Variants in SLIRP observed in about 807,000 individuals in gnomAD.
SLIRP encodes SRA stem-loop-interacting RNA-binding protein, mitochondrial.
SLIRP carries 12 observed loss-of-function variants against 13.4 expected under a neutral mutation model. The observed-to-expected ratio is 0.89, with a 90% CI of 0.57 to 1.45. SLIRP has a LOEUF of 1.45. Ranked by LOEUF, SLIRP falls within the 40% of genes most tolerant of loss-of-function variation. The pLI is 0.00. For synonymous variants in SLIRP, 55 were observed against 47.1 expected (o/e 1.17, Z -0.69); for missense variants, 154 against 132.2 (o/e 1.17, Z -0.81).
In SLIRP at chr14:77,717,565, T is replaced by C. The variant is rs2080497751; in HGVS notation, c.*4T>C. 1 of 1,611,472 alleles carries C rather than the reference T, an allele frequency of 6.2e-7. No homozygotes were observed. Among genetic ancestry groups the C allele is most frequent in the Non-Finnish European group, 8.5e-7 (1 of 1,178,160 alleles). On this transcript the variant is annotated 3_prime_UTR_variant, in exon 4 of 4. Transcript: ENST00000557342. ...TGATGAAAAGAAAGATTTTTGAGAC[T>C]GCAGCCTATTAATAAAGTTAACATA...
chr14:77,712,604 C>T (rs176947), intron 2 of SLIRP, among the ~76,000 whole-genome samples: 70,566 of 151,700 alleles, frequency 0.47, 16,768 homozygotes, highest in East Asian at 0.68. Context: ...GCCACTACGC[C>T]CGGCTAATTT....
At chr14:77,717,461 T>C in intron 3 of SLIRP, 35 bp from the exon 4 acceptor site, 2 of 1,584,274 alleles carry the variant, frequency 1.3e-6, no homozygotes, top group South Asian at 2.3e-5. Context: ...TTGCAGACAT[T>C]GCCTTTCCTC....
chr14:77,715,731 G>A, intron 2 of SLIRP, 41 bp from the exon 3 acceptor site: 1 of 1,527,656 alleles, frequency 6.5e-7, no homozygotes, highest in Non-Finnish European at 8.9e-7. Context: ...GAAACTTTCT[G>A]AAGTTCATGA....
intron 1 of SLIRP, chr14:77,710,440 A>G (rs2080431130): frequency 1.8e-6 from 1 of 557,830 alleles, no homozygotes; most frequent in South Asian, 1.6e-5. Context: ...AACTCAACAC[A>G]TTTTACTAAA....
chr14:77,716,828 C>G (rs1452699962), intron 3 of SLIRP, among the ~76,000 whole-genome samples: 5 of 151,938 alleles, frequency 3.3e-5, no homozygotes, highest in Admixed American at 1.3e-4. Flanking sequence ...ATGGTGCAAT[C>G]TTGGATCACT....
At chr14:77,715,515 T>C (rs1291165401) in intron 2 of SLIRP, among the ~76,000 whole-genome samples, 5 of 152,096 alleles carry the variant, frequency 3.3e-5, no homozygotes, top group East Asian at 1.9e-4. Context: ...CATGGTGGTA[T>C]GTACCTGTGA....
rs775717711 is a variant in SLIRP, at chr14:77,715,868, G to A, written c.253G>A (p.Asp85Asn). ...NALQQENHIIDGVKVQVHTRR... is the reference protein window; with the variant it reads ...NALQQENHIINGVKVQVHTRR... ...ACTACAACAGGAAAATCATATTATAGATGGAGTAAAGGTAAATTTATTTCT... is the reference window on the plus strand; with the variant it reads ...ACTACAACAGGAAAATCATATTATAAATGGAGTAAAGGTAAATTTATTTCT... Residue 85 changes from aspartate (D) to asparagine (N), a missense_variant, in exon 3 of 4, where the codon GAT (aspartate) becomes AAT (asparagine). Asp to Asn is a conservative substitution (Grantham distance 23). Coordinates refer to ENST00000557342, the MANE Select transcript of SLIRP (RefSeq NM_031210.6). The A allele has an allele frequency of 5.6e-6, 9 of 1,612,688 alleles. No individual in the cohort carries two copies. Among genetic ancestry groups the A allele is most frequent in the Non-Finnish European group, 7.6e-6 (9 of 1,178,876 alleles).
chr14:77,708,553 A>T (rs2080414512), intron 1 of SLIRP, among the ~76,000 whole-genome samples: 1 of 152,224 alleles, frequency 6.6e-6, no homozygotes. Flanking sequence ...GCTAAAAGGC[A>T]ATTTCATTAA....
At chr14:77,708,324 G>A (rs966577799) in intron 1 of SLIRP, 116 bp downstream of exon 1, 1 of 1,001,916 alleles carries the variant, frequency 1.0e-6, no homozygotes, top group South Asian at 1.4e-5. Flanking sequence ...GACTGCTCCT[G>A]AGCATGCAAG....
chr14:77,711,740 G>A (rs920703071), intron 2 of SLIRP: 2 of 152,232 alleles, frequency 1.3e-5, no homozygotes, highest in African/African-American at 4.8e-5. Flanking sequence ...ATTTTTTGTA[G>A]AGATGGGGTT....
At chr14:77,709,973 A>G (rs1428441133) in intron 1 of SLIRP, among the ~76,000 whole-genome samples, 2 of 152,148 alleles carry the variant, frequency 1.3e-5, no homozygotes, top group Non-Finnish European at 2.9e-5. Flanking sequence ...GGGAGCTTAC[A>G]ATTAGTGGTG....
rs61148239 is a variant in SLIRP at position 77,709,753 on chromosome 14, A to G, written c.98-1085A>G. On this transcript the variant is annotated intron_variant, in intron 1 of 3. Transcript: ENST00000557342. ...TTCTAGGACTTTAATTATCTGGTAT[A>G]AAACATATGTTTAACATTATTTTGT... 4.2e-3 allele frequency among the ~76,000 whole-genome samples: 642 copies of G among 152,314 alleles called. 3 individuals carry two copies. The highest frequency in any genetic ancestry group is 0.011 in the African/African-American group (462 of 41,568).
chr14:77,710,655 C>T (rs2080432804), intron 1 of SLIRP, 183 bp from the exon 2 acceptor site: 1 of 1,533,052 alleles, frequency 6.5e-7, no homozygotes, highest in South Asian at 1.2e-5. Flanking sequence ...TCCATCTCAC[C>T]ACCAAGTCTG....
intron 2 of SLIRP, among the ~76,000 whole-genome samples, chr14:77,713,707 G>C (rs897582807): frequency 2.6e-5 from 4 of 152,184 alleles, no homozygotes; most frequent in African/African-American, 9.7e-5. Context: ...TCATCACTGG[G>C]ATTGATTAGA....
At chr14:77,713,183 T>C (rs1018731863) in intron 2 of SLIRP, among the ~76,000 whole-genome samples, 11 of 152,230 alleles carry the variant, frequency 7.2e-5, no homozygotes, top group Middle Eastern at 3.2e-3. Context: ...AGTACCATTT[T>C]CTTTTTTAGA....
At chr14:77,708,356 T>G (rs895821677) in intron 1 of SLIRP, 148 bp downstream of exon 1, 4 of 783,048 alleles carry the variant, frequency 5.1e-6, no homozygotes, top group Non-Finnish European at 8.2e-6. Context: ...AAATTTTGTT[T>G]GCAGTTAACC....
chr14:77,714,556 C>G (rs868618278), intron 2 of SLIRP, among the ~76,000 whole-genome samples: 34 of 152,222 alleles, frequency 2.2e-4, no homozygotes, highest in African/African-American at 8.2e-4. Context: ...CCACCTCAGC[C>G]TCCCAAAGTG....
intron 2 of SLIRP, among the ~76,000 whole-genome samples, chr14:77,711,252 T>C (rs1284068283): frequency 6.8e-6 from 1 of 148,130 alleles, no homozygotes; most frequent in East Asian, 1.9e-4. Flanking sequence ...TATATAAATA[T>C]ATATAAATAT....
At chr14:77,714,271 G>C (rs564692485) in intron 2 of SLIRP, among the ~76,000 whole-genome samples, 1 of 152,048 alleles carries the variant, frequency 6.6e-6, no homozygotes, top group Non-Finnish European at 1.5e-5. Flanking sequence ...CTCCCAAAGT[G>C]CTGTGATTAC....
Sources: allele counts gnomAD v4.1 joint callset (sites outside exome capture counted in the v4.1 genomes callset), GRCh38; gene constraint gnomAD v4.1.1; transcripts MANE v1.5; gene names NCBI Gene and HGNC (gene_info 2026-07-23, HGNC 2026-07-21).